Variants in GZMA observed in about 807,000 individuals in gnomAD.
GZMA encodes the protein granzyme A.
In GZMA, 17 loss-of-function variants were observed where a neutral mutation model predicts 21.1. The ratio of observed to expected loss-of-function variants is 0.81; its 90% CI spans 0.55 to 1.21. The LOEUF is 1.21. GZMA is among the 50% of genes most tolerant of loss of function. The probability of loss-of-function intolerance (pLI) is 0.00; values close to 1 mark genes in which losing one functional copy is unlikely to be tolerated. For synonymous variants in GZMA, 90 were observed against 107.8 expected, an observed-to-expected ratio of 0.83 and a Z score of 1.03; for missense variants, 306 against 315.9, an observed-to-expected ratio of 0.97 and a Z score of 0.24.
chr5:55,105,740 A>C (rs1580327877), intron 2 of GZMA, 122 bp downstream of exon 2: 1 of 787,234 alleles, frequency 1.3e-6, no homozygotes, highest in African/African-American at 1.7e-5. Flanking sequence ...TGGGAGGCCA[A>C]GGCAGGTGGA....
At chr5:55,104,666 G>A (rs1177310976) in intron 1 of GZMA, among the ~76,000 whole-genome samples, 1 of 152,170 alleles carries the variant, frequency 6.6e-6, no homozygotes, top group East Asian at 1.9e-4. Flanking sequence ...GGAGCACTCG[G>A]AGTGTATCAC....
intron 1 of GZMA, 147 bp from the exon 2 acceptor site, chr5:55,105,327 G>A (rs948703487): frequency 3.1e-6 from 2 of 645,412 alleles, no homozygotes; most frequent in Non-Finnish European, 5.3e-6. Context: ...GATGTCTGCG[G>A]GTCTACATAG....
Position 55,106,271 on chromosome 5 carries a change from T to C in GZMA, c.215+653T>C, listed in dbSNP as rs1485682696. The stretch of plus-strand genomic sequence containing the variant: ...ATAAAATAAAATAAAATAAATAAAA[T>C]AAAATAAAATAAAATAAAATAAAAT... On this transcript the variant is annotated intron_variant, in intron 2 of 4. Coordinates refer to ENST00000274306, the MANE Select transcript of GZMA (RefSeq NM_006144.4). Among the ~76,000 whole-genome samples, 32 of 7,880 alleles carry C rather than the reference T, an allele frequency of 4.1e-3. 11 individuals are homozygous for C. Among genetic ancestry groups the C allele is most frequent in the African/African-American group, 5.9e-3 (24 of 4,048 alleles). 5.2% of individuals were successfully genotyped at this position (7,880 alleles called of 152,430 possible).
chr5:55,106,998 A>T (rs1212937868), intron 2 of GZMA, among the ~76,000 whole-genome samples: 1 of 152,032 alleles, frequency 6.6e-6, no homozygotes, highest in East Asian at 1.9e-4. Context: ...TTTTTCTTTT[A>T]TTTTTTAATT....
At position 55,110,189 on chromosome 5, in the gene GZMA, GTTTCC is replaced by G; in HGVS notation, c.*12_*16del. ...TATCAAGGGAGCAGTTTAAATAACCGTTTCCTTTCATTTACTGTGGCTTCTTAATC... is the reference window on the plus strand; with the variant it reads ...TATCAAGGGAGCAGTTTAAATAACCGTTTCATTTACTGTGGCTTCTTAATC... On this transcript the variant is annotated 3_prime_UTR_variant, in exon 5 of 5. Transcript: ENST00000274306. 1 of 1,564,556 alleles carries G rather than the reference GTTTCC, an allele frequency of 6.4e-7. No individual in the cohort carries two copies. The highest frequency in any genetic ancestry group is 8.6e-7 in the Non-Finnish European group (1 of 1,156,350).
At chr5:55,102,979 T>C (rs1476867951) in intron 1 of GZMA, among the ~76,000 whole-genome samples, 1 of 151,924 alleles carries the variant, frequency 6.6e-6, no homozygotes, top group Non-Finnish European at 1.5e-5. Flanking sequence ...CTGGGCGACA[T>C]AGTGAGACCC....
Position 55,102,719 on chromosome 5 carries a change from T to G in GZMA, c.37T>G (p.Ser13Ala). Residue 13 changes from serine (S) to alanine (A), a missense_variant, in exon 1 of 5, where the codon TCA (serine) becomes GCA (alanine). Ser to Ala is a moderately conservative substitution (Grantham distance 99). Transcript: ENST00000274306. ...CTATAGATTTCTGGCATCCTCTCTCTCAGTTGTCGTTTCTCTCCTGCTAAT... is the reference window on the plus strand; with the variant it reads ...CTATAGATTTCTGGCATCCTCTCTCGCAGTTGTCGTTTCTCTCCTGCTAAT... Reference protein sequence around the residue: ...NSYRFLASSLSVVVSLLLIPE... With the variant: ...NSYRFLASSLAVVVSLLLIPE... 6.2e-7 allele frequency: 1 copy of G among 1,610,354 alleles called. No homozygotes were observed. Among genetic ancestry groups the G allele is most frequent in the Middle Eastern group, 1.7e-4 (1 of 6,054 alleles).
chr5:55,108,602 G>A (rs1284234580), intron 4 of GZMA, among the ~76,000 whole-genome samples: 1 of 152,188 alleles, frequency 6.6e-6, no homozygotes, highest in Admixed American at 6.5e-5. Context: ...CACTGCTAGT[G>A]CATGGGGTGA....
Position 55,109,899 on chromosome 5 carries a change from CT to C in GZMA, c.628-121del. 3 of 531,434 alleles carry C rather than the reference CT, an allele frequency of 5.6e-6. No individual in the cohort carries two copies. In the East Asian group the frequency reaches 9.6e-5, roughly 17 times the overall value. 32.9% of individuals were successfully genotyped at this position (531,434 alleles called of 1,614,324 possible). ...CATTTTAATTTTTAAAATTAAAGCA[CT>C]ATCTTCAATTAAGTCAAGGTTGGTC... On this transcript the variant is annotated intron_variant, in intron 4 of 4. Transcript: ENST00000274306.
chr5:55,103,685 T>A (rs1742340212), intron 1 of GZMA, among the ~76,000 whole-genome samples: 3 of 152,298 alleles, frequency 2.0e-5, no homozygotes, highest in Middle Eastern at 6.8e-3. Context: ...ATAACCTGCC[T>A]TGCCAGGAAT....
chr5:55,108,014 T>G, intron 3 of GZMA, 79 bp downstream of exon 3: 1 of 1,426,446 alleles, frequency 7.0e-7, no homozygotes, highest in Non-Finnish European at 9.7e-7. Flanking sequence ...CTTTCCTTGG[T>G]GCCCCTGTTG....
chr5:55,102,846 A>G lies in GZMA; in HGVS notation c.70+94A>G, dbSNP rs557627745. 3 of 805,136 alleles carry G rather than the reference A, an allele frequency of 3.7e-6. 1 individual carries two copies. In the South Asian group the frequency reaches 4.1e-5, roughly 11 times the overall value. The allele number at this position is 805,136 out of a possible 1,614,324, so 49.9% of individuals were successfully genotyped here. On this transcript the variant is annotated intron_variant, in intron 1 of 4. Coordinates refer to ENST00000274306, the MANE Select transcript of GZMA (RefSeq NM_006144.4). ...TGGCAATATTACCTTCCTATACTGAAAGAAGATGTTTTCCCCCAAGCCTTA... is the reference window on the plus strand; with the variant it reads ...TGGCAATATTACCTTCCTATACTGAGAGAAGATGTTTTCCCCCAAGCCTTA...
Position 55,108,162 on chromosome 5 carries a change from T to A in GZMA, c.395T>A (p.Ile132Asn). The A allele has an allele frequency of 6.2e-7, 1 of 1,608,754 alleles. No individual in the cohort carries two copies. Among genetic ancestry groups the A allele is most frequent in the Non-Finnish European group, 8.5e-7 (1 of 1,175,240 alleles). Residue 132 changes from isoleucine (I) to asparagine (N), a missense_variant, in exon 4 of 5, where the codon ATC becomes AAC. Ile to Asn is a moderately radical substitution (Grantham distance 149, BLOSUM62 -3). Coordinates refer to ENST00000274306, the MANE Select transcript of GZMA (RefSeq NM_006144.4). ...EKAKINKYVT[I>N]LHLPKKGDDV... ...GCAAAAATTAACAAATATGTGACTA[T>A]CCTTCATCTACCTAAAAAGGGGGAC...
At chr5:55,102,865 A>C (rs1169227528) in intron 1 of GZMA, 113 bp downstream of exon 1, 1 of 744,610 alleles carries the variant, frequency 1.3e-6, no homozygotes. Flanking sequence ...TTTTCCCCCA[A>C]GCCTTATAAT....
At chr5:55,107,307 G>A (rs1269675266) in intron 2 of GZMA, among the ~76,000 whole-genome samples, 1 of 152,110 alleles carries the variant, frequency 6.6e-6, no homozygotes, top group East Asian at 1.9e-4. Context: ...AAGCAAATAG[G>A]GTCCTCCATG....
chr5:55,104,020 A>AAGAG (rs572296148), intron 1 of GZMA, among the ~76,000 whole-genome samples: 1 of 151,898 alleles, frequency 6.6e-6, no homozygotes, highest in African/African-American at 2.4e-5. Flanking sequence ...AAAAACAAAA[A>AAGAG]AGAGAGAGAG....
At position 55,110,018 on chromosome 5, in the gene GZMA, C is replaced by T; in HGVS notation, c.628-3C>T. On this transcript the variant is annotated splice_region_variant and splice_polypyrimidine_tract_variant and intron_variant, in intron 4 of 4. Coordinates refer to ENST00000274306, the MANE Select transcript of GZMA (RefSeq NM_006144.4). ...ACACCCTACCCCTCTTGTTTTCCTC[C>T]AGGGAGATTCTGGAAGCCCTTTGTT... 1 of 1,595,996 alleles carries T rather than the reference C, an allele frequency of 6.3e-7. No homozygotes were observed.
At chr5:55,107,152 A>G (rs1408597603) in intron 2 of GZMA, among the ~76,000 whole-genome samples, 1 of 152,168 alleles carries the variant, frequency 6.6e-6, no homozygotes, top group Non-Finnish European at 1.5e-5. Context: ...GTTATGAATG[A>G]TAGCCTTAAT....
At position 55,104,776 on chromosome 5, in the gene GZMA, GA is replaced by G. The variant is rs1303145061; in HGVS notation, c.71-695del. Reference sequence around the variant, plus strand: ...TCTCTACTTCAAGACTATCATCAAGGAAATGTCACTTAGGCAGAATTCTTGG... The same window carrying G: ...TCTCTACTTCAAGACTATCATCAAGGAATGTCACTTAGGCAGAATTCTTGG... On this transcript the variant is annotated intron_variant, in intron 1 of 4. Transcript: ENST00000274306. Among the ~76,000 whole-genome samples, 7 of 152,146 alleles carry G rather than the reference GA, an allele frequency of 4.6e-5. No individual in the cohort carries two copies. In the East Asian group the frequency reaches 1.3e-3, roughly 29 times the overall value.
Sources: allele counts gnomAD v4.1 joint callset (sites outside exome capture counted in the v4.1 genomes callset), GRCh38; gene constraint gnomAD v4.1.1; transcripts MANE v1.5; gene names NCBI Gene and HGNC (gene_info 2026-07-23, HGNC 2026-07-21).